The following MRAS variants were observed in gnomAD, a reference collection of about 807,000 sequenced individuals.
MRAS encodes the protein muscle RAS oncogene homolog, also known as ras-related protein M-Ras.
Under a neutral mutation model 20.9 loss-of-function variants are expected in MRAS, and 4 were observed. That is an observed-to-expected ratio of 0.19 (90% CI 0.09 to 0.44). The LOEUF is 0.44. MRAS is among the 20% of genes least tolerant of loss of function. The pLI is 0.99. For missense variants in MRAS, 154 were observed against 277.5 expected (o/e 0.56, Z 3.16); for synonymous variants, 98 against 102.9 (o/e 0.95, Z 0.29).
At chr3:138,353,167 A>G (rs2054262938) in intron 1 of MRAS, among the ~76,000 whole-genome samples, 1 of 152,206 alleles carries the variant, frequency 6.6e-6, no homozygotes, top group African/African-American at 2.4e-5. Context: ...GTTTATTTGA[A>G]TGTATTATAA....
At chr3:138,395,566 G>A (rs1196282570) in intron 2 of MRAS, among the ~76,000 whole-genome samples, 1 of 151,986 alleles carries the variant, frequency 6.6e-6, no homozygotes, top group Admixed American at 6.6e-5. Context: ...GGCTCCCTCC[G>A]GCCCCTCATT....
At chr3:138,397,988 T>A (rs2055277187) in intron 3 of MRAS, among the ~76,000 whole-genome samples, 1 of 152,258 alleles carries the variant, frequency 6.6e-6, no homozygotes, top group Non-Finnish European at 1.5e-5. Flanking sequence ...TATAATTTTT[T>A]AAAATGGAAA....
chr3:138,396,656 C>G (rs968591895), intron 2 of MRAS, among the ~76,000 whole-genome samples: 1 of 152,088 alleles, frequency 6.6e-6, no homozygotes, highest in African/African-American at 2.4e-5. Flanking sequence ...AGCACCTGGG[C>G]AGGAGTAGTT....
At chr3:138,354,095 C>T (rs2054282182) in intron 1 of MRAS, among the ~76,000 whole-genome samples, 1 of 152,150 alleles carries the variant, frequency 6.6e-6, no homozygotes, top group African/African-American at 2.4e-5. Context: ...AGCCTGTGCA[C>T]AAAGATGTGG....
At chr3:138,363,204 A>C (rs952832529) in intron 1 of MRAS, among the ~76,000 whole-genome samples, 1 of 152,004 alleles carries the variant, frequency 6.6e-6, no homozygotes, top group Non-Finnish European at 1.5e-5. Flanking sequence ...CTGGGATTAC[A>C]GGTGCCTGCC....
chr3:138,378,108 G>A (rs2054822185), intron 2 of MRAS, among the ~76,000 whole-genome samples: 1 of 152,162 alleles, frequency 6.6e-6, no homozygotes, highest in Non-Finnish European at 1.5e-5. Context: ...GAAGAAGTGG[G>A]TGTGGCTGAA....
intron 2 of MRAS, among the ~76,000 whole-genome samples, chr3:138,389,134 C>T (rs1394472345): frequency 6.6e-6 from 1 of 152,060 alleles, no homozygotes; most frequent in Non-Finnish European, 1.5e-5. Flanking sequence ...GCCACCGTGC[C>T]CCACCATGTG....
chr3:138,374,103 C>T (rs1201457056), intron 2 of MRAS, among the ~76,000 whole-genome samples: 1 of 151,944 alleles, frequency 6.6e-6, no homozygotes, highest in Non-Finnish European at 1.5e-5. Flanking sequence ...GGATTACAGG[C>T]ACGCACCACC....
chr3:138,389,262 T>A (rs2055080182), intron 2 of MRAS, among the ~76,000 whole-genome samples: 1 of 151,890 alleles, frequency 6.6e-6, no homozygotes, highest in South Asian at 2.1e-4. Flanking sequence ...CTGCAAGTAT[T>A]TTTTGAGCCT....
intron 2 of MRAS, among the ~76,000 whole-genome samples, chr3:138,396,104 G>A (rs7642400): frequency 1.3e-5 from 2 of 151,972 alleles, no homozygotes; most frequent in African/African-American, 4.8e-5. Flanking sequence ...AGAAGGGGAG[G>A]GAAGGGGGAG....
chr3:138,374,562 CTCT>C, intron 2 of MRAS, among the ~76,000 whole-genome samples: 1 of 152,132 alleles, frequency 6.6e-6, no homozygotes, highest in South Asian at 2.1e-4. Context: ...ATCTGGATGG[CTCT>C]TATTTCTTTT....
chr3:138,353,967 G>A (rs1199346), intron 1 of MRAS, among the ~76,000 whole-genome samples: 125,802 of 152,210 alleles, frequency 0.83, 52,471 homozygotes, highest in East Asian at 0.97. Flanking sequence ...CCAGCACTGG[G>A]TGACCAAAAA....
At chr3:138,364,421 G>A in intron 1 of MRAS, among the ~76,000 whole-genome samples, 1 of 152,204 alleles carries the variant, frequency 6.6e-6, no homozygotes, top group Non-Finnish European at 1.5e-5. Flanking sequence ...GCCACCATGA[G>A]GCAGATTCTG....
chr3:138,375,258 T>C (rs947632028), intron 2 of MRAS, among the ~76,000 whole-genome samples: 2 of 152,220 alleles, frequency 1.3e-5, no homozygotes, highest in Non-Finnish European at 2.9e-5. Flanking sequence ...TGTATTATCC[T>C]TTAATATTGT....
intron 1 of MRAS, among the ~76,000 whole-genome samples, chr3:138,353,622 A>G (rs928432343): frequency 1.3e-5 from 2 of 152,244 alleles, no homozygotes; most frequent in African/African-American, 4.8e-5. Flanking sequence ...GTCATAGTTT[A>G]AAAACAGCCC....
At chr3:138,397,192 T>C in intron 2 of MRAS, 132 bp from the exon 3 acceptor site, 1 of 1,066,104 alleles carries the variant, frequency 9.4e-7, no homozygotes, top group South Asian at 1.6e-5. Context: ...AGAGAGCTTA[T>C]GCAGCCTCTC....
At chr3:138,361,066 A>C (rs1481272766) in intron 1 of MRAS, among the ~76,000 whole-genome samples, 1 of 152,232 alleles carries the variant, frequency 6.6e-6, no homozygotes, top group Non-Finnish European at 1.5e-5. Context: ...GCTGCGGAGC[A>C]CTTGCGCTGC....
chr3:138,384,244 C>A (rs917965189), intron 2 of MRAS, among the ~76,000 whole-genome samples: 1 of 152,136 alleles, frequency 6.6e-6, no homozygotes, highest in African/African-American at 2.4e-5. Flanking sequence ...CTTCTCAGTT[C>A]CTTATCCTGC....
intron 2 of MRAS, among the ~76,000 whole-genome samples, chr3:138,396,904 A>G (rs1037284537): frequency 6.6e-6 from 1 of 152,090 alleles, no homozygotes; most frequent in African/African-American, 2.4e-5. Flanking sequence ...AGAGGAGGAA[A>G]GGGGAAGCTC....
Sources: allele counts gnomAD v4.1 joint callset (sites outside exome capture counted in the v4.1 genomes callset), GRCh38; gene constraint gnomAD v4.1.1; transcripts MANE v1.5; gene names NCBI Gene and HGNC (gene_info 2026-07-23, HGNC 2026-07-21).